Variants in COL6A5 observed in about 807,000 individuals in gnomAD.
COL6A5 encodes collagen type VI alpha 5 chain, also known as collagen alpha-5(VI) chain.
In COL6A5, 48 loss-of-function variants were observed where a neutral mutation model predicts 65.6. That is an observed-to-expected ratio of 0.73 (90% CI 0.58 to 0.93). COL6A5 has a LOEUF of 0.93. Among genes scored for constraint, COL6A5 ranks in the 40% least tolerant of loss-of-function variants. The pLI is 0.00. For synonymous variants in COL6A5, 291 were observed against 322.8 expected, an observed-to-expected ratio of 0.90 and a Z score of 1.05; for missense variants, 914 against 928.3, an observed-to-expected ratio of 0.98 and a Z score of 0.20.
chr3:130,470,773 G>T, intron 6 of COL6A5, 98 bp from the exon 39 acceptor site: 1 of 834,550 alleles, frequency 1.2e-6, no homozygotes, highest in South Asian at 1.6e-5. Context: ...AGTTGTTCTT[G>T]AAAACACTGC....
At chr3:130,420,821 A>G (rs1937503316) in intron 25 of COL6A5, among the ~76,000 whole-genome samples, 1 of 152,006 alleles carries the variant, frequency 6.6e-6, no homozygotes, top group Admixed American at 6.6e-5. Context: ...ACTATTTGTA[A>G]TCCTTCTTCA....
At chr3:130,441,807 A>G (rs1709189424) in intron 3 of COL6A5, among the ~76,000 whole-genome samples, 1 of 152,164 alleles carries the variant, frequency 6.6e-6, no homozygotes, top group Admixed American at 6.6e-5. Context: ...ACAAAGAATA[A>G]TACATCCCCA....
At chr3:130,450,857 G>A (rs1335033143) in intron 4 of COL6A5, among the ~76,000 whole-genome samples, 1 of 152,082 alleles carries the variant, frequency 6.6e-6, no homozygotes, top group Non-Finnish European at 1.5e-5. Flanking sequence ...GTTTAATTGG[G>A]CATAAGTATC....
At chr3:130,395,358 C>T in exon 8 of COL6A5, 1 of 1,547,886 alleles carries the variant, frequency 6.5e-7, no homozygotes, top group Non-Finnish European at 8.7e-7. Flanking sequence ...CTGCCAATAA[C>T]AGGCAATTCT....
chr3:130,386,310 C>G (rs547764759), intron 5 of COL6A5, among the ~76,000 whole-genome samples: 1 of 151,918 alleles, frequency 6.6e-6, no homozygotes, highest in African/African-American at 2.4e-5. Flanking sequence ...TGATAACACA[C>G]GTGGAGCAGT....
chr3:130,393,388 C>T (rs1002401043), intron 7 of COL6A5, among the ~76,000 whole-genome samples: 1 of 152,136 alleles, frequency 6.6e-6, no homozygotes, highest in African/African-American at 2.4e-5. Flanking sequence ...TATCCCCCAA[C>T]TCTCACTCCT....
At chr3:130,433,049 C>T (rs556191412) in intron 1 of COL6A5, among the ~76,000 whole-genome samples, 13 of 152,060 alleles carry the variant, frequency 8.5e-5, no homozygotes, top group Non-Finnish European at 1.8e-4. Flanking sequence ...ACAATTTCTA[C>T]CATATAAAGA....
At chr3:130,422,522 A>C (rs1447683744) in intron 27 of COL6A5, among the ~76,000 whole-genome samples, 198 bp from the exon 28 acceptor site, 1 of 151,998 alleles carries the variant, frequency 6.6e-6, no homozygotes, top group Non-Finnish European at 1.5e-5. Flanking sequence ...TTATTAAAAA[A>C]TTAAAAATAG....
At chr3:130,388,983 T>G (rs1205657546) in exon 6 of COL6A5, 5 of 1,548,762 alleles carry the variant, frequency 3.2e-6, no homozygotes, top group Non-Finnish European at 4.4e-6. Context: ...GGGGCAAAGA[T>G]GTGACCATCT....
At chr3:130,440,538 A>G (rs1487109222) in exon 3 of COL6A5, 2 of 1,613,678 alleles carry the variant, frequency 1.2e-6, no homozygotes, top group South Asian at 1.1e-5. Flanking sequence ...TGGACCACTG[A>G]AAATCTTTTT....
In COL6A5 at chr3:130,410,454, AATT is replaced by A. The variant is rs1207228847; in HGVS notation, c.4609-11_4609-9del. The A allele has an allele frequency of 5.2e-6, 8 of 1,544,488 alleles. No individual in the cohort carries two copies. The highest frequency in any genetic ancestry group is 7.0e-6 in the Non-Finnish European group (8 of 1,141,906). On this transcript the variant is annotated splice_polypyrimidine_tract_variant and intron_variant and NMD_transcript_variant, in intron 19 of 41. Coordinates refer to the COL6A5 transcript ENST00000312481. ...AATTTTTTCCTTTTGATCTTGAGGA[AATT>A]ATTATATTTTTAGGGTAGAAGTGGA...
chr3:130,435,910 T>A lies in COL6A5; in HGVS notation c.488-3612T>A, dbSNP rs558929417. Among the ~76,000 whole-genome samples the A allele has an allele frequency of 2.0e-5, 3 of 152,244 alleles. No homozygotes were observed. The South Asian group carries it at 6.2e-4, about 32-fold the overall frequency. The stretch of plus-strand genomic sequence containing the variant: ...ACAACTTGACTTCCTCTCTTCCTAT[T>A]CGAATATCCTTTATTTCTTTCTCTT... On this transcript the variant is annotated intron_variant, in intron 1 of 7. Transcript: ENST00000512836.
At chr3:130,412,007 A>G (rs1937191319) in intron 20 of COL6A5, among the ~76,000 whole-genome samples, 1 of 152,168 alleles carries the variant, frequency 6.6e-6, no homozygotes, top group Non-Finnish European at 1.5e-5. Context: ...ATTTTAAACA[A>G]CGTAAGACAA....
chr3:130,454,582 A>T (rs1709522222), intron 4 of COL6A5, among the ~76,000 whole-genome samples: 1 of 152,180 alleles, frequency 6.6e-6, no homozygotes, highest in African/African-American at 2.4e-5. Context: ...TCAAGAATAA[A>T]CTTCTATTGA....
intron 5 of COL6A5, among the ~76,000 whole-genome samples, chr3:130,464,235 G>A (rs1414323676): frequency 1.3e-5 from 2 of 151,922 alleles, no homozygotes; most frequent in African/African-American, 4.8e-5. Flanking sequence ...GGGTTCAAGC[G>A]ATCCTCCTGC....
At chr3:130,456,849 C>T (rs1406357236) in intron 5 of COL6A5, among the ~76,000 whole-genome samples, 2 of 151,980 alleles carry the variant, frequency 1.3e-5, no homozygotes, top group African/African-American at 4.8e-5. Flanking sequence ...GGGTTTAACA[C>T]TTACATCCCC....
intron 22 of COL6A5, among the ~76,000 whole-genome samples, chr3:130,415,442 G>C (rs147304447): frequency 4.5e-4 from 69 of 152,154 alleles, no homozygotes; most frequent in African/African-American, 1.4e-3. Context: ...CTTATATCCA[G>C]GCCGGGAATT....
At chr3:130,363,526 T>TA (rs752801233) in intron 1 of COL6A5, among the ~76,000 whole-genome samples, 5 of 152,336 alleles carry the variant, frequency 3.3e-5, no homozygotes, top group Non-Finnish European at 5.9e-5. Context: ...TCCTTTCGTC[T>TA]AGGCCAGCTA....
chr3:130,347,845 A>AT lies in COL6A5; in HGVS notation c.-29+1864_-29+1865insT, dbSNP rs1577412917. ...AATCTTGTAGGATCTCAGATCCAGT[A>AT]CACACTGAGCAAGTGGAAAGTGCAA... On this transcript the variant is annotated intron_variant and NMD_transcript_variant, in intron 1 of 41. Coordinates refer to the COL6A5 transcript ENST00000312481. 3.3e-5 allele frequency among the ~76,000 whole-genome samples: 5 copies of AT among 152,302 alleles called. No individual in the cohort carries two copies. The East Asian group carries it at 9.7e-4, about 29-fold the overall frequency.
Sources: allele counts gnomAD v4.1 joint callset (sites outside exome capture counted in the v4.1 genomes callset), GRCh38; gene constraint gnomAD v4.1.1; transcripts MANE v1.5; gene names NCBI Gene and HGNC (gene_info 2026-07-23, HGNC 2026-07-21).